Variants in PPFIA2 observed in about 807,000 individuals in gnomAD.
The protein encoded by PPFIA2 is liprin-alpha-2.
Under a neutral mutation model 175.5 loss-of-function variants are expected in PPFIA2, and 46 were observed. The ratio of observed to expected loss-of-function variants is 0.26; its 90% CI spans 0.21 to 0.34. The LOEUF is 0.34. Among genes scored for constraint, PPFIA2 ranks in the 10% least tolerant of loss-of-function variants. The pLI, the probability that PPFIA2 is intolerant of heterozygous loss-of-function variation, is 1.00. For missense variants in PPFIA2, 1,179 were observed against 1,506.1 expected (o/e 0.78, Z 3.60); for synonymous variants, 568 against 511.4 (o/e 1.11, Z -1.49).
intron 4 of PPFIA2, among the ~76,000 whole-genome samples, chr12:81,634,395 T>G (rs1450645229): frequency 6.6e-6 from 1 of 152,054 alleles, no homozygotes; most frequent in African/African-American, 2.4e-5. Flanking sequence ...GCTGTTTCAT[T>G]TTGTATTCTT....
intron 3 of PPFIA2, among the ~76,000 whole-genome samples, chr12:81,732,737 A>G (rs932494292): frequency 6.6e-6 from 1 of 151,616 alleles, no homozygotes; most frequent in Non-Finnish European, 1.5e-5. Flanking sequence ...AGTGTATAAA[A>G]TTACATATAG....
At chr12:81,360,070 A>G (rs573381870) in intron 15 of PPFIA2, among the ~76,000 whole-genome samples, 127 of 152,018 alleles carry the variant, frequency 8.4e-4, no homozygotes, top group Admixed American at 3.2e-3. Context: ...TGTGGTTAAC[A>G]GTTTTAAGGT....
intron 3 of PPFIA2, among the ~76,000 whole-genome samples, chr12:81,701,207 G>A (rs1406443235): frequency 6.6e-6 from 1 of 152,146 alleles, no homozygotes; most frequent in African/African-American, 2.4e-5. Context: ...AAGATTAAAT[G>A]AAATGTTACA....
At chr12:81,639,356 A>G (rs2064613799) in intron 4 of PPFIA2, among the ~76,000 whole-genome samples, 1 of 152,160 alleles carries the variant, frequency 6.6e-6, no homozygotes, top group Admixed American at 6.5e-5. Flanking sequence ...CTCTGACAAA[A>G]GAAAATAGAA....
At chr12:81,346,203 C>A (rs912509998) in intron 18 of PPFIA2, among the ~76,000 whole-genome samples, 8 of 152,052 alleles carry the variant, frequency 5.3e-5, no homozygotes, top group Non-Finnish European at 1.2e-4. Flanking sequence ...TCATTGGTGT[C>A]ATTTCAACAT....
At chr12:81,393,525 C>G in intron 8 of PPFIA2, among the ~76,000 whole-genome samples, 1 of 152,174 alleles carries the variant, frequency 6.6e-6, no homozygotes, top group Non-Finnish European at 1.5e-5. Flanking sequence ...GTCTCCTCTA[C>G]TGTGTCTTGA....
chr12:81,617,191 A>G (rs1449175790), intron 4 of PPFIA2, among the ~76,000 whole-genome samples: 1 of 152,236 alleles, frequency 6.6e-6, no homozygotes, highest in African/African-American at 2.4e-5. Flanking sequence ...AAAAGAAAAG[A>G]AAAAACTTCA....
At chr12:81,442,194 C>A (rs1030505471) in intron 6 of PPFIA2, among the ~76,000 whole-genome samples, 1 of 151,866 alleles carries the variant, frequency 6.6e-6, no homozygotes, top group East Asian at 1.9e-4. Flanking sequence ...TAGTGGTTTA[C>A]AAATTGAGAT....
At chr12:81,669,980 G>T (rs1402954369) in intron 4 of PPFIA2, among the ~76,000 whole-genome samples, 1 of 151,954 alleles carries the variant, frequency 6.6e-6, no homozygotes, top group Non-Finnish European at 1.5e-5. Context: ...TAAACACAGT[G>T]GTAGTTTTGG....
At chr12:81,663,205 G>A (rs1393777002) in intron 4 of PPFIA2, among the ~76,000 whole-genome samples, 2 of 152,092 alleles carry the variant, frequency 1.3e-5, no homozygotes, top group Non-Finnish European at 2.9e-5. Flanking sequence ...CAGGCAGGAG[G>A]AGGAAATAAA....
intron 4 of PPFIA2, among the ~76,000 whole-genome samples, chr12:81,539,256 T>C (rs966821285): frequency 6.6e-6 from 1 of 151,936 alleles, no homozygotes; most frequent in Non-Finnish European, 1.5e-5. Flanking sequence ...TTTGCATATA[T>C]GTGTCTGAAG....
At chr12:81,635,285 G>C (rs1037942354) in intron 4 of PPFIA2, among the ~76,000 whole-genome samples, 1 of 151,916 alleles carries the variant, frequency 6.6e-6, no homozygotes, top group Admixed American at 6.6e-5. Context: ...TTGTTGCTTT[G>C]ACTTCAAAAA....
At chr12:81,579,377 TA>T (rs1406073724) in intron 4 of PPFIA2, among the ~76,000 whole-genome samples, 1 of 151,804 alleles carries the variant, frequency 6.6e-6, no homozygotes, top group Non-Finnish European at 1.5e-5. Context: ...GTGGATAATT[TA>T]AAGCTTTTGT....
At chr12:81,435,012 T>C (rs976146636) in intron 7 of PPFIA2, among the ~76,000 whole-genome samples, 2 of 152,202 alleles carry the variant, frequency 1.3e-5, no homozygotes, top group Non-Finnish European at 1.5e-5. Flanking sequence ...TCTATGCAAC[T>C]TCATTCTTTT....
chr12:81,291,036 T>C (rs1159847575), intron 24 of PPFIA2, among the ~76,000 whole-genome samples: 5 of 151,724 alleles, frequency 3.3e-5, no homozygotes, highest in African/African-American at 1.2e-4. Context: ...TACAAAAAAG[T>C]ACAAATTAAT....
At chr12:81,303,970 C>T (rs929737897) in intron 22 of PPFIA2, among the ~76,000 whole-genome samples, 11 of 152,078 alleles carry the variant, frequency 7.2e-5, no homozygotes, top group Admixed American at 2.6e-4. Context: ...TTCTCCTTAG[C>T]GATTGTTGTT....
intron 4 of PPFIA2, among the ~76,000 whole-genome samples, chr12:81,515,982 T>G (rs914072204): frequency 1.3e-5 from 2 of 151,550 alleles, no homozygotes; most frequent in Non-Finnish European, 3.0e-5. Context: ...TTTTTTTTTT[T>G]GTATCTCATG....
In PPFIA2 at chr12:81,329,683, C is replaced by A. The variant is rs151019702; in HGVS notation, c.2549-3813G>T. Among the ~76,000 whole-genome samples, 142 of 152,124 alleles carry A rather than the reference C, an allele frequency of 9.3e-4. 4 individuals carry two copies. The East Asian group carries it at 0.026, about 28-fold the overall frequency. The stretch of plus-strand genomic sequence containing the variant: ...ATGCGACTCACTAGGCTCCCTGGGG[C>A]ATCTGGTCGAGTGCATGCGTGGCGT... On this transcript the variant is annotated intron_variant, in intron 21 of 32. Coordinates refer to ENST00000549396, the MANE Select transcript of PPFIA2 (RefSeq NM_003625.5).
chr12:81,616,043 G>A (rs1189137957), intron 4 of PPFIA2, among the ~76,000 whole-genome samples: 2 of 152,148 alleles, frequency 1.3e-5, no homozygotes, highest in Non-Finnish European at 2.9e-5. Context: ...GCTGGTAATT[G>A]TGGTGATGGG....
Sources: allele counts gnomAD v4.1 joint callset (sites outside exome capture counted in the v4.1 genomes callset), GRCh38; gene constraint gnomAD v4.1.1; transcripts MANE v1.5; gene names NCBI Gene and HGNC (gene_info 2026-07-23, HGNC 2026-07-21).